SASH1: variants seen among roughly 807,000 people sequenced by gnomAD.
SASH1 encodes SAM and SH3 domain-containing protein 1.
SASH1 carries 44 observed loss-of-function variants against 125.2 expected under a neutral mutation model. That is an observed-to-expected ratio of 0.35 (90% confidence interval 0.28 to 0.45). The LOEUF (loss-of-function observed/expected upper bound fraction) is 0.45, where lower values mean the gene tolerates loss of function less well. Among genes scored for constraint, SASH1 ranks in the 20% least tolerant of loss-of-function variants. SASH1 has a pLI of 1.00. For missense variants in SASH1, 1,426 were observed against 1,614.5 expected (o/e 0.88, Z 2.00); for synonymous variants, 639 against 649.1 (o/e 0.98, Z 0.24).
chr6:148,225,338 T>C, the SASH1 span, among the ~76,000 whole-genome samples: 1 of 152,320 alleles, frequency 6.6e-6, no homozygotes, highest in African/African-American at 2.4e-5. Flanking sequence ...CAAATAAAGA[T>C]TGAGAGTAGA....
intron 13 of SASH1, 55 bp downstream of exon 13, chr6:148,531,716 T>C (rs1381531494): frequency 7.3e-7 from 1 of 1,364,922 alleles, no homozygotes; most frequent in Non-Finnish European, 9.6e-7. Flanking sequence ...ATCTGACATA[T>C]ACTGAGCACT....
At chr6:148,428,565 G>A (rs1243514265) in intron 2 of SASH1, among the ~76,000 whole-genome samples, 1 of 139,908 alleles carries the variant, frequency 7.1e-6, no homozygotes, top group East Asian at 2.3e-4. Flanking sequence ...AGAGGCGGAG[G>A]TTGCAGTGAG....
chr6:148,501,939 T>TC, intron 8 of SASH1, among the ~76,000 whole-genome samples: 1 of 152,230 alleles, frequency 6.6e-6, no homozygotes, highest in Non-Finnish European at 1.5e-5. Context: ...TGCAGTTGAT[T>TC]AGGGAACATA....
the SASH1 span, among the ~76,000 whole-genome samples, chr6:148,244,465 G>A: frequency 5.3e-5 from 8 of 152,162 alleles, no homozygotes; most frequent in African/African-American, 1.2e-4. Context: ...GCGGTAGGAC[G>A]TTGTTTTATT....
intron 1 of SASH1, among the ~76,000 whole-genome samples, chr6:148,298,840 G>GA (rs757864786): frequency 7.4e-6 from 1 of 135,056 alleles, no homozygotes; most frequent in African/African-American, 2.7e-5. Flanking sequence ...AGGAAGGAAG[G>GA]AAAAAAGGAA....
At chr6:148,214,582 A>G in the SASH1 span, among the ~76,000 whole-genome samples, 1 of 152,132 alleles carries the variant, frequency 6.6e-6, no homozygotes, top group East Asian at 1.9e-4. Context: ...TCTCATCAAT[A>G]TTACCTCTCA....
intron 2 of SASH1, among the ~76,000 whole-genome samples, chr6:148,426,213 A>AAAATAAATAAAT (rs34907635): frequency 2.0e-5 from 3 of 151,418 alleles, no homozygotes. Context: ...ACTCCATCTC[A>AAAATAAATAAAT]AAATAAATAA....
chr6:148,311,895 A>G (rs1582950682), intron 1 of SASH1, among the ~76,000 whole-genome samples: 1 of 152,202 alleles, frequency 6.6e-6, no homozygotes, highest in African/African-American at 2.4e-5. Context: ...CAATTTTCAA[A>G]CCTGCTTCAA....
chr6:148,358,739 T>TG (rs1043091311), intron 1 of SASH1, among the ~76,000 whole-genome samples: 5 of 139,522 alleles, frequency 3.6e-5, no homozygotes, highest in African/African-American at 1.3e-4. Context: ...TTTTGTTTTT[T>TG]TTTTTTTTTT....
chr6:148,485,179 C>T (rs932187972), intron 7 of SASH1, among the ~76,000 whole-genome samples: 1 of 152,106 alleles, frequency 6.6e-6, no homozygotes, highest in African/African-American at 2.4e-5. Context: ...TGGATATAAA[C>T]ATGGACTAGA....
At chr6:148,425,412 GT>G (rs1775769892) in intron 2 of SASH1, among the ~76,000 whole-genome samples, 1 of 152,016 alleles carries the variant, frequency 6.6e-6, no homozygotes, top group East Asian at 1.9e-4. Flanking sequence ...TAAAATGGTT[GT>G]AAAAAAGGTT....
Position 148,517,924 on chromosome 6 carries a change from G to A in SASH1, c.863-1623G>A, listed in dbSNP as rs1242675986. Among the ~76,000 whole-genome samples the A allele has an allele frequency of 9.9e-5, 15 of 152,162 alleles. No homozygotes were observed. The East Asian group carries it at 1.9e-3, about 20-fold the overall frequency. On this transcript the variant is annotated intron_variant, in intron 9 of 19. Transcript: ENST00000367467. ...TGGAGAAGGGCCTTTGTACATCTGC[G>A]TGGACACCTGGGCGGATGGTGAAGC...
intron 1 of SASH1, among the ~76,000 whole-genome samples, chr6:148,333,856 T>G (rs924705592): frequency 2.0e-5 from 3 of 151,864 alleles, no homozygotes; most frequent in African/African-American, 7.2e-5. Context: ...ACAGTCACGC[T>G]GTGTCGCCCA....
intron 8 of SASH1, among the ~76,000 whole-genome samples, chr6:148,512,254 G>A (rs1024158558): frequency 1.9e-4 from 29 of 152,190 alleles, no homozygotes; most frequent in African/African-American, 6.7e-4. Flanking sequence ...ACCTGACCTC[G>A]TGATCCTCCC....
intron 2 of SASH1, among the ~76,000 whole-genome samples, chr6:148,421,147 A>AAGGAAGAG (rs1413302063): frequency 2.2e-5 from 1 of 45,202 alleles, no homozygotes; most frequent in Non-Finnish European, 5.3e-5. Context: ...GGAAGGAAGG[A>AAGGAAGAG]AGAAAGAAAG....
chr6:148,541,434 T>A (rs2115443082), intron 17 of SASH1, among the ~76,000 whole-genome samples: 1 of 152,138 alleles, frequency 6.6e-6, no homozygotes, highest in East Asian at 1.9e-4. Context: ...ATACAAAATA[T>A]CAGAGAGCAT....
At chr6:148,269,922 G>A (rs961475280), upstream of SASH1, among the ~76,000 whole-genome samples, 2 of 152,210 alleles carry the variant, frequency 1.3e-5, no homozygotes, top group African/African-American at 4.8e-5. Context: ...TTTGGCAGGT[G>A]AGTGTGTACC....
chr6:148,386,315 A>G (rs1305289370), intron 1 of SASH1, among the ~76,000 whole-genome samples: 5 of 152,242 alleles, frequency 3.3e-5, no homozygotes, highest in South Asian at 4.1e-4. Flanking sequence ...GGACAAAGCT[A>G]TATTAATAAT....
At chr6:148,250,575 A>C in the SASH1 span, among the ~76,000 whole-genome samples, 1 of 22,038 alleles carries the variant, frequency 4.5e-5, no homozygotes, top group African/African-American at 1.8e-4. Flanking sequence ...TTAGTCTTAA[A>C]AAAAAAAAAA....
Sources: gnomAD v4.1 joint callset for allele counts (sites outside exome capture counted in the v4.1 genomes callset) on GRCh38, gnomAD v4.1.1 for gene constraint, MANE v1.5 for transcripts, NCBI Gene and HGNC (gene_info 2026-07-23, HGNC 2026-07-21) for gene names.